The following ECM2 variants were observed in gnomAD, a reference collection of about 807,000 sequenced individuals.
The protein encoded by ECM2 is extracellular matrix protein 2, female organ and adipocyte specific.
In ECM2, 57 loss-of-function variants were observed where a neutral mutation model predicts 67.5. The observed-to-expected ratio is 0.84, with a 90% CI of 0.68 to 1.05. The LOEUF is 1.05. Among genes scored for constraint, ECM2 ranks in the 50% least tolerant of loss-of-function variants. ECM2 has a pLI of 0.00. For missense variants in ECM2, 741 were observed against 822.8 expected (o/e 0.90, Z 1.22); for synonymous variants, 258 against 294.5 (o/e 0.88, Z 1.27).
chr9:92,517,763 T>A lies in ECM2; in HGVS notation c.405A>T (p.Glu135Asp). ...GGCACCTCTGGGGATGGCACATGGT[T>A]TCATCACAAAGAACTCTTCCATCTG... ...LCSDGRVLCD[E>D]TMCHPQRCPQ... Residue 135 changes from glutamate (E) to aspartate (D), a missense_variant, in exon 3 of 10, where the codon GAA (glutamate) becomes GAT (aspartate). Glu to Asp is a conservative substitution (Grantham distance 45). Transcript: ENST00000344604. 1 of 1,614,174 alleles carries A rather than the reference T, an allele frequency of 6.2e-7. No homozygotes were observed. Among genetic ancestry groups the A allele is most frequent in the Non-Finnish European group, 8.5e-7 (1 of 1,180,040 alleles).
chr9:92,522,810 A>G lies in ECM2; in HGVS notation c.57T>C (p.Phe19=). 4 of 1,612,560 alleles carry G rather than the reference A, an allele frequency of 2.5e-6. No individual in the cohort carries two copies. The highest frequency in any genetic ancestry group is 3.4e-6 in the Non-Finnish European group (4 of 1,179,744). The change falls in exon 2 of 10, where the codon TTT becomes TTC. Residue 19 remains phenylalanine (F), a synonymous_variant. Transcript: ENST00000344604. ...TCCTAGGAATTTCTTCATTTTTTCC[A>G]AAGTCAGTTTGAAAAATGATAAGCA... is the stretch of plus-strand genomic sequence containing the variant. ...FFLLIIFQTD[F]GKNEEIPRKQ...
In ECM2 at chr9:92,534,806, A is replaced by G. The variant is rs373113643; in HGVS notation, c.-28+1127T>C. Among the ~76,000 whole-genome samples, 13 of 152,344 alleles carry G rather than the reference A, an allele frequency of 8.5e-5. No individual in the cohort carries two copies. The East Asian group carries it at 1.4e-3, about 16-fold the overall frequency. On this transcript the variant is annotated intron_variant, in intron 1 of 9. Coordinates refer to ENST00000344604, the MANE Select transcript of ECM2 (RefSeq NM_001393.4). ...TGGCAAGTGTGCTCTGATGGATATC[A>G]TAAGTGCTCTGCAATGCATGAAATG...
the ECM2 span, among the ~76,000 whole-genome samples, chr9:92,555,211 GA>G: frequency 3.2e-5 from 4 of 123,358 alleles, no homozygotes; most frequent in Non-Finnish European, 5.0e-5. Flanking sequence ...CTTTTTTTTG[GA>G]AATTTTTTTT....
In ECM2 at chr9:92,502,512, C is replaced by T. The variant is rs772840145; in HGVS notation, c.1604+1G>A. On this transcript the variant is annotated splice_donor_variant, in intron 8 of 9. Coordinates refer to ENST00000344604, the MANE Select transcript of ECM2 (RefSeq NM_001393.4). LOFTEE classifies it high-confidence loss of function. ...AAATTTAAATTGTAGCATGTACTTACTCTTGATTTATCCAGGCTAAAGGAG... is the reference window on the plus strand; with the variant it reads ...AAATTTAAATTGTAGCATGTACTTATTCTTGATTTATCCAGGCTAAAGGAG... The T allele has an allele frequency of 2.5e-6, 4 of 1,612,088 alleles. No individual in the cohort carries two copies. The highest frequency in any genetic ancestry group is 3.4e-6 in the Non-Finnish European group (4 of 1,179,006).
At chr9:92,515,638 A>G (rs1588212519) in intron 3 of ECM2, among the ~76,000 whole-genome samples, 2 of 152,360 alleles carry the variant, frequency 1.3e-5, no homozygotes, top group Admixed American at 1.3e-4. Context: ...TGTTTACCAG[A>G]CATTAGAAAA....
At chr9:92,493,967 GC>G (rs1258669533), downstream of ECM2, 7 of 904,422 alleles carry the variant, frequency 7.7e-6, no homozygotes, top group Admixed American at 1.4e-4. Flanking sequence ...GTTGAGGGTG[GC>G]CGTAGTCTCC....
the ECM2 span, among the ~76,000 whole-genome samples, chr9:92,552,094 G>T: frequency 3.7e-5 from 5 of 133,930 alleles, no homozygotes; most frequent in East Asian, 6.3e-4. Flanking sequence ...TATGTGATAT[G>T]ATAGATCTAT....
At chr9:92,555,003 TTTGTTGTTG>T in the ECM2 span, among the ~76,000 whole-genome samples, 3,062 of 149,812 alleles carry the variant, frequency 0.02, 95 homozygotes, top group African/African-American at 0.06. Flanking sequence ...GTCTGTATTG[TTTGTTGTTG>T]TTGTTGTTGT....
the ECM2 span, among the ~76,000 whole-genome samples, chr9:92,553,289 T>G: frequency 6.6e-6 from 1 of 152,348 alleles, no homozygotes; most frequent in Non-Finnish European, 1.5e-5. Flanking sequence ...TTTATACCAG[T>G]ATTATGCTGT....
chr9:92,535,364 T>C (rs191745786), intron 1 of ECM2, among the ~76,000 whole-genome samples: 43 of 152,328 alleles, frequency 2.8e-4, no homozygotes, highest in African/African-American at 9.6e-4. Context: ...GTTTGCCTCC[T>C]AGAGGTAAAT....
intron 1 of ECM2, among the ~76,000 whole-genome samples, chr9:92,533,328 A>AAAAAAAAAAATATATAT (rs1554683138): frequency 2.3e-4 from 9 of 38,320 alleles, no homozygotes; most frequent in Non-Finnish European, 3.8e-4. Context: ...AAAAAAAAAA[A>AAAAAAAAAAATATATAT]ATATATATAT....
At chr9:92,529,443 T>C (rs1175231885) in intron 1 of ECM2, among the ~76,000 whole-genome samples, 1 of 152,180 alleles carries the variant, frequency 6.6e-6, no homozygotes, top group Non-Finnish European at 1.5e-5. Context: ...AACCCAGCAA[T>C]CGTGCCCCTT....
Position 92,514,781 on chromosome 9 carries a change from A to C in ECM2, c.904T>G (p.Ser302Ala), listed in dbSNP as rs964668563. 1 of 1,613,842 alleles carries C rather than the reference A, an allele frequency of 6.2e-7. No individual in the cohort carries two copies. Among genetic ancestry groups the C allele is most frequent in the South Asian group, 1.1e-5 (1 of 91,080 alleles). ...PVRGDMFRMPSRSPLPAPPRG... is the reference protein window; with the variant it reads ...PVRGDMFRMPARSPLPAPPRG... Reference sequence around the variant, plus strand: ...GGAGGAGCAGGAAGCGGGGATCGAGAGGGCATTCGGAACATATCTCCTCTT... The same window carrying C: ...GGAGGAGCAGGAAGCGGGGATCGAGCGGGCATTCGGAACATATCTCCTCTT... The change falls in exon 4 of 10, where the codon TCT (serine) becomes GCT (alanine). Residue 302 changes from serine to alanine, a missense_variant. Physicochemically the swap from Ser to Ala is moderately conservative, Grantham distance 99. Transcript: ENST00000344604.
At chr9:92,545,463 G>C in the ECM2 span, among the ~76,000 whole-genome samples, 17 of 152,322 alleles carry the variant, frequency 1.1e-4, no homozygotes, top group African/African-American at 3.8e-4. Context: ...TTGATTTCTC[G>C]TCGGGCCTTA....
intron 4 of ECM2, among the ~76,000 whole-genome samples, chr9:92,513,628 T>TAC (rs1268076294): frequency 1.3e-5 from 2 of 152,198 alleles, no homozygotes; most frequent in African/African-American, 4.8e-5. Context: ...GAACTACTGA[T>TAC]ACACAAAACA....
the ECM2 span, among the ~76,000 whole-genome samples, chr9:92,559,087 G>A: frequency 2.0e-5 from 3 of 152,226 alleles, no homozygotes; most frequent in South Asian, 4.1e-4. Flanking sequence ...CTCTTCCCCC[G>A]CCTCTGAAGT....
chr9:92,518,987 G>A (rs1456316100), intron 2 of ECM2, among the ~76,000 whole-genome samples: 2 of 152,128 alleles, frequency 1.3e-5, no homozygotes, highest in Non-Finnish European at 2.9e-5. Flanking sequence ...CAGCTAAGCA[G>A]GCCATTAGAA....
At chr9:92,517,566 A>G in intron 3 of ECM2, 121 bp downstream of exon 3, 1 of 1,355,684 alleles carries the variant, frequency 7.4e-7, no homozygotes, top group Non-Finnish European at 1.0e-6. Flanking sequence ...CATTTTGCCA[A>G]TATTTTAAGT....
intron 4 of ECM2, among the ~76,000 whole-genome samples, chr9:92,512,882 A>T (rs545638231): frequency 7.2e-5 from 11 of 152,270 alleles, no homozygotes; most frequent in Non-Finnish European, 1.5e-4. Context: ...CTTAGGGCAG[A>T]GCATACCTGG....
Sources: allele counts gnomAD v4.1 joint callset (sites outside exome capture counted in the v4.1 genomes callset), GRCh38; gene constraint gnomAD v4.1.1; transcripts MANE v1.5; gene names NCBI Gene and HGNC (gene_info 2026-07-23, HGNC 2026-07-21).